The following PLXDC2 variants were observed in gnomAD, a reference collection of about 807,000 sequenced individuals.
PLXDC2 encodes plexin domain containing 2, also known as plexin domain-containing protein 2.
PLXDC2 carries 40 observed loss-of-function variants against 68.9 expected under a neutral mutation model. The ratio of observed to expected loss-of-function variants is 0.58; its 90% CI spans 0.45 to 0.76. The LOEUF is 0.76. PLXDC2 is among the 30% of genes least tolerant of loss of function. The pLI, the probability that PLXDC2 is intolerant of heterozygous loss-of-function variation, is 0.00. For missense variants in PLXDC2, 644 were observed against 661.9 expected, an observed-to-expected ratio of 0.97 and a Z score of 0.30; for synonymous variants, 243 against 234.2, an observed-to-expected ratio of 1.04 and a Z score of -0.34.
chr10:20,191,548 GGTTTCTTTT>G (rs1834764895), intron 9 of PLXDC2, among the ~76,000 whole-genome samples: 1 of 150,870 alleles, frequency 6.6e-6, no homozygotes, highest in Non-Finnish European at 1.5e-5. Flanking sequence ...CTAACACAGA[GGTTTCTTTT>G]GTCACTGCCC....
At chr10:20,010,763 A>G (rs1023323870) in intron 2 of PLXDC2, among the ~76,000 whole-genome samples, 1 of 152,220 alleles carries the variant, frequency 6.6e-6, no homozygotes, top group Non-Finnish European at 1.5e-5. Flanking sequence ...TCAAAGAGAA[A>G]TCTCATATTT....
intron 1 of PLXDC2, among the ~76,000 whole-genome samples, chr10:19,817,728 G>A (rs12262332): frequency 0.11 from 16,363 of 152,218 alleles, 1,311 homozygotes; most frequent in African/African-American, 0.22. Context: ...GCGCTGGAAG[G>A]GGGGCGGGGT....
intron 2 of PLXDC2, among the ~76,000 whole-genome samples, chr10:20,031,226 C>T (rs1033650953): frequency 1.3e-5 from 2 of 151,904 alleles, no homozygotes; most frequent in Non-Finnish European, 2.9e-5. Context: ...AAAAGATAGC[C>T]GACCATGGTG....
intron 11 of PLXDC2, 75 bp from the exon 12 acceptor site, chr10:20,218,989 A>G: frequency 6.6e-7 from 1 of 1,514,484 alleles, no homozygotes; most frequent in Non-Finnish European, 9.0e-7. Flanking sequence ...TTAGTAGACA[A>G]TTACTAGTCA....
intron 1 of PLXDC2, among the ~76,000 whole-genome samples, chr10:19,839,768 C>T (rs962677857): frequency 2.6e-5 from 4 of 151,890 alleles, no homozygotes; most frequent in African/African-American, 7.3e-5. Context: ...TAATGTGTAA[C>T]GGCAGACTCT....
At chr10:20,272,764 T>C (rs929728586) in intron 13 of PLXDC2, among the ~76,000 whole-genome samples, 3 of 152,216 alleles carry the variant, frequency 2.0e-5, no homozygotes, top group Admixed American at 6.5e-5. Flanking sequence ...GAAAGAAACT[T>C]TTGCTGATCT....
At chr10:19,934,071 A>C (rs542333837) in intron 1 of PLXDC2, among the ~76,000 whole-genome samples, 81 of 152,308 alleles carry the variant, frequency 5.3e-4, no homozygotes, top group African/African-American at 1.8e-3. Flanking sequence ...TTCCAATTTT[A>C]AGTCTGAAAA....
intron 1 of PLXDC2, among the ~76,000 whole-genome samples, chr10:19,941,505 G>C (rs1273669950): frequency 1.3e-5 from 2 of 152,176 alleles, no homozygotes; most frequent in Non-Finnish European, 2.9e-5. Context: ...CAAGGTCTGG[G>C]TGCAGTCACT....
At chr10:19,822,237 A>G (rs997964371) in intron 1 of PLXDC2, among the ~76,000 whole-genome samples, 6 of 149,136 alleles carry the variant, frequency 4.0e-5, no homozygotes, top group Non-Finnish European at 8.9e-5. Context: ...TATGCAATAT[A>G]TAATATAAAT....
intron 13 of PLXDC2, among the ~76,000 whole-genome samples, chr10:20,253,130 C>T (rs1211252100): frequency 2.0e-5 from 3 of 151,980 alleles, no homozygotes; most frequent in East Asian, 3.9e-4. Context: ...ATTGGGAGAC[C>T]GAGACGGGAG....
chr10:20,050,453 A>T (rs756557181), intron 3 of PLXDC2, among the ~76,000 whole-genome samples: 62 of 152,324 alleles, frequency 4.1e-4, no homozygotes, highest in Non-Finnish European at 7.6e-4. Flanking sequence ...AAATATTTGC[A>T]AGCTATGCAT....
At chr10:20,017,256 G>A (rs1055547920) in intron 2 of PLXDC2, among the ~76,000 whole-genome samples, 1 of 152,150 alleles carries the variant, frequency 6.6e-6, no homozygotes, top group African/African-American at 2.4e-5. Flanking sequence ...GCTTCTAGGG[G>A]GGCAGGGGCC....
intron 12 of PLXDC2, among the ~76,000 whole-genome samples, chr10:20,235,286 C>T (rs1336890727): frequency 6.6e-6 from 1 of 152,194 alleles, no homozygotes; most frequent in East Asian, 1.9e-4. Context: ...AAGAAGTCCT[C>T]TCATTGCCCT....
intron 9 of PLXDC2, among the ~76,000 whole-genome samples, chr10:20,187,251 C>A (rs983625755): frequency 1.3e-5 from 2 of 151,756 alleles, no homozygotes; most frequent in African/African-American, 4.8e-5. Context: ...ATACATCTGG[C>A]CTCTAGATAT....
intron 1 of PLXDC2, among the ~76,000 whole-genome samples, chr10:19,886,749 A>G (rs912235903): frequency 2.6e-5 from 4 of 152,214 alleles, no homozygotes; most frequent in African/African-American, 9.6e-5. Context: ...ACTCCTATTC[A>G]ACATAGTGTT....
intron 13 of PLXDC2, among the ~76,000 whole-genome samples, chr10:20,270,424 A>C (rs1224780854): frequency 2.0e-5 from 3 of 152,190 alleles, no homozygotes; most frequent in Non-Finnish European, 4.4e-5. Flanking sequence ...AACGTTTCCT[A>C]TATCAAATTA....
intron 4 of PLXDC2, among the ~76,000 whole-genome samples, chr10:20,118,441 T>C (rs892189660): frequency 6.6e-6 from 1 of 152,114 alleles, no homozygotes; most frequent in Non-Finnish European, 1.5e-5. Flanking sequence ...TAGTAAAGTA[T>C]CCAAAGTTTT....
chr10:20,152,407 A>G (rs1042024009), intron 6 of PLXDC2, among the ~76,000 whole-genome samples: 2 of 152,122 alleles, frequency 1.3e-5, no homozygotes, highest in Non-Finnish European at 2.9e-5. Flanking sequence ...TCCTGAGGTT[A>G]TAGCTCTGTG....
In PLXDC2 at chr10:20,280,465, A is replaced by G. The variant is rs908186985; in HGVS notation, c.*646A>G. ...TTTATCCGTACAGGAGGTTCAAACCATGTCTGCCTCTTCCTTTGTAATGAA... is the reference window on the plus strand; with the variant it reads ...TTTATCCGTACAGGAGGTTCAAACCGTGTCTGCCTCTTCCTTTGTAATGAA... On this transcript the variant is annotated 3_prime_UTR_variant, in exon 14 of 14. Coordinates refer to ENST00000377252, the MANE Select transcript of PLXDC2 (RefSeq NM_032812.9). 6.6e-6 allele frequency: 1 copy of G among 152,212 alleles called. No individual in the cohort carries two copies. Among genetic ancestry groups the G allele is most frequent in the Non-Finnish European group, 1.5e-5 (1 of 68,046 alleles). The allele number at this position is 152,212 out of a possible 1,614,324, so 9.4% of individuals were successfully genotyped here.
Sources: gnomAD v4.1 joint callset for allele counts (sites outside exome capture counted in the v4.1 genomes callset) on GRCh38, gnomAD v4.1.1 for gene constraint, MANE v1.5 for transcripts, NCBI Gene and HGNC (gene_info 2026-07-23, HGNC 2026-07-21) for gene names.